The following LINGO2 variants were observed in gnomAD, a reference collection of about 807,000 sequenced individuals.
LINGO2 encodes the protein leucine rich repeat and Ig domain containing 2.
LINGO2 carries 14 observed loss-of-function variants against 30.6 expected under a neutral mutation model. The ratio of observed to expected loss-of-function variants is 0.46; its 90% CI spans 0.30 to 0.72. The LOEUF is 0.72. Ranked by LOEUF, LINGO2 falls within the 30% of genes least tolerant of loss-of-function variation. The pLI is 0.07. For synonymous variants in LINGO2, 317 were observed against 288.5 expected, an observed-to-expected ratio of 1.10 and a Z score of -1.00; for missense variants, 729 against 751.7, an observed-to-expected ratio of 0.97 and a Z score of 0.35.
intron 1 of LINGO2, among the ~76,000 whole-genome samples, chr9:28,525,803 C>A (rs1821002653): frequency 6.6e-6 from 1 of 152,146 alleles, no homozygotes; most frequent in Non-Finnish European, 1.5e-5. Context: ...CGCCTGTAAT[C>A]TCAGCACTTT....
chr9:28,701,537 T>A, the LINGO2 span, among the ~76,000 whole-genome samples: 1 of 152,066 alleles, frequency 6.6e-6, no homozygotes, highest in East Asian at 1.9e-4. Flanking sequence ...AATACCACAC[T>A]GTTTGGTTAC....
the LINGO2 span, among the ~76,000 whole-genome samples, chr9:29,025,954 T>C: frequency 6.6e-6 from 1 of 152,192 alleles, no homozygotes; most frequent in African/African-American, 2.4e-5. Flanking sequence ...ATCCATGTTG[T>C]TGCATATGAC....
At chr9:28,788,079 G>A in the LINGO2 span, among the ~76,000 whole-genome samples, 3 of 152,022 alleles carry the variant, frequency 2.0e-5, no homozygotes, top group Admixed American at 6.6e-5. Context: ...ACAGGACTGA[G>A]TACTGGAAGG....
intron 2 of LINGO2, among the ~76,000 whole-genome samples, chr9:28,379,001 C>T (rs183790580): frequency 8.2e-4 from 124 of 152,128 alleles, no homozygotes; most frequent in African/African-American, 2.8e-3. Context: ...CAGATAAAGA[C>T]GGACAAAGGC....
chr9:28,325,017 C>A (rs1007822508), intron 3 of LINGO2, among the ~76,000 whole-genome samples: 2 of 151,942 alleles, frequency 1.3e-5, no homozygotes, highest in East Asian at 3.9e-4. Context: ...CTTAACTTCT[C>A]TCTTCCACGT....
At chr9:28,710,465 T>A in the LINGO2 span, among the ~76,000 whole-genome samples, 2 of 152,124 alleles carry the variant, frequency 1.3e-5, no homozygotes, top group Non-Finnish European at 2.9e-5. Flanking sequence ...CACATAACTA[T>A]TAGATGCCTA....
chr9:28,990,425 A>G, the LINGO2 span, among the ~76,000 whole-genome samples: 1 of 152,246 alleles, frequency 6.6e-6, no homozygotes. Context: ...CTCTGGGGGC[A>G]GGGCACAGAC....
exon 6 of LINGO2, chr9:27,950,067 C>T (rs765164343): frequency 3.7e-6 from 6 of 1,613,950 alleles, no homozygotes; most frequent in Non-Finnish European, 5.1e-6. Context: ...GCTGATGAGG[C>T]TGCGGAGGTG....
intron 1 of LINGO2, among the ~76,000 whole-genome samples, chr9:28,663,280 C>T (rs751805367): frequency 2.0e-5 from 3 of 152,094 alleles, no homozygotes; most frequent in East Asian, 1.9e-4. Context: ...AAGCAATTCT[C>T]CTGTCTCAGC....
At chr9:29,168,048 GTTTA>G in the LINGO2 span, among the ~76,000 whole-genome samples, 2 of 151,996 alleles carry the variant, frequency 1.3e-5, no homozygotes, top group African/African-American at 4.8e-5. Flanking sequence ...TTGAAGACAT[GTTTA>G]TTTGTCTTTT....
intron 4 of LINGO2, among the ~76,000 whole-genome samples, chr9:28,293,996 A>T (rs1310926418): frequency 6.6e-6 from 1 of 152,218 alleles, no homozygotes. Context: ...AGACAAAAAA[A>T]TTATTCACCA....
chr9:28,853,417 A>C, the LINGO2 span, among the ~76,000 whole-genome samples: 1 of 152,046 alleles, frequency 6.6e-6, no homozygotes, highest in Admixed American at 6.6e-5. Flanking sequence ...GTCAAATATT[A>C]AAGACAAAGT....
the LINGO2 span, among the ~76,000 whole-genome samples, chr9:29,177,393 G>C: frequency 4.6e-5 from 7 of 152,154 alleles, 1 homozygote; most frequent in Non-Finnish European, 1.0e-4. Flanking sequence ...ACAGCCAGTA[G>C]AACAAGCCTG....
the LINGO2 span, among the ~76,000 whole-genome samples, chr9:29,033,266 G>A: frequency 6.6e-6 from 1 of 151,772 alleles, no homozygotes; most frequent in African/African-American, 2.4e-5. Flanking sequence ...ATGGAGTACT[G>A]AAGTCTCACC....
At chr9:28,891,808 A>T in the LINGO2 span, among the ~76,000 whole-genome samples, 1 of 142,070 alleles carries the variant, frequency 7.0e-6, no homozygotes, top group Non-Finnish European at 1.6e-5. Flanking sequence ...AAATGGTCAA[A>T]GTCACAGAAA....
intron 4 of LINGO2, among the ~76,000 whole-genome samples, chr9:28,226,585 GAA>G (rs751061672): frequency 2.8e-4 from 41 of 146,756 alleles, no homozygotes; most frequent in Non-Finnish European, 5.6e-4. Flanking sequence ...AAGAGAGAGA[GAA>G]AGAAAAAAGA....
chr9:29,135,069 T>C, the LINGO2 span, among the ~76,000 whole-genome samples: 3 of 152,176 alleles, frequency 2.0e-5, no homozygotes, highest in Non-Finnish European at 4.4e-5. Flanking sequence ...TTTATAAGCA[T>C]ATTGTTCTAT....
At chr9:28,236,648 A>G (rs1049955095) in intron 4 of LINGO2, among the ~76,000 whole-genome samples, 9 of 152,184 alleles carry the variant, frequency 5.9e-5, no homozygotes, top group African/African-American at 1.9e-4. Flanking sequence ...TAAACATCAC[A>G]TATTCTCACT....
the LINGO2 span, among the ~76,000 whole-genome samples, chr9:29,201,086 TA>T: frequency 6.6e-6 from 1 of 152,074 alleles, no homozygotes; most frequent in African/African-American, 2.4e-5. Flanking sequence ...ATTGTAACAT[TA>T]CTTTTTCCTC....
Sources: allele counts gnomAD v4.1 joint callset (sites outside exome capture counted in the v4.1 genomes callset), GRCh38; gene constraint gnomAD v4.1.1; transcripts MANE v1.5; gene names NCBI Gene and HGNC (gene_info 2026-07-23, HGNC 2026-07-21).